The following TMTC2 variants were observed in gnomAD, a reference collection of about 807,000 sequenced individuals.
TMTC2 encodes protein O-mannosyl-transferase TMTC2.
TMTC2 carries 43 observed loss-of-function variants against 82.4 expected under a neutral mutation model. The ratio of observed to expected loss-of-function variants is 0.52; its 90% CI spans 0.41 to 0.67. The LOEUF is 0.67. Ranked by LOEUF, TMTC2 falls within the 30% of genes least tolerant of loss-of-function variation. The pLI is 0.00. For missense variants in TMTC2, 919 were observed against 1,012.4 expected, an observed-to-expected ratio of 0.91 and a Z score of 1.25; for synonymous variants, 408 against 381.9, an observed-to-expected ratio of 1.07 and a Z score of -0.80.
chr12:83,022,166 T>C (rs1880961959), intron 8 of TMTC2, among the ~76,000 whole-genome samples: 1 of 152,078 alleles, frequency 6.6e-6, no homozygotes, highest in Non-Finnish European at 1.5e-5. Context: ...CACTAGGCCC[T>C]GCACAGTCTG....
At chr12:82,900,969 AAT>A (rs1265095001) in intron 3 of TMTC2, among the ~76,000 whole-genome samples, 4 of 40,062 alleles carry the variant, frequency 1.0e-4, no homozygotes, top group East Asian at 7.2e-4. Flanking sequence ...TATATATAGG[AAT>A]ATATATATAT....
chr12:82,899,652 A>AAT (rs974972309), intron 3 of TMTC2, among the ~76,000 whole-genome samples: 4 of 140,486 alleles, frequency 2.8e-5, no homozygotes, highest in Admixed American at 1.5e-4. Context: ...TATATATAAG[A>AAT]ATATATATAT....
chr12:83,005,847 C>T (rs1226423828), intron 8 of TMTC2, among the ~76,000 whole-genome samples: 1 of 152,190 alleles, frequency 6.6e-6, no homozygotes, highest in Non-Finnish European at 1.5e-5. Flanking sequence ...AGATCTGACA[C>T]ACCTTGATAT....
chr12:83,055,718 G>A (rs933869481), intron 10 of TMTC2, among the ~76,000 whole-genome samples: 2 of 151,652 alleles, frequency 1.3e-5, no homozygotes, highest in African/African-American at 4.8e-5. Flanking sequence ...GTGTGTGTGT[G>A]TGTGTGTGTG....
intron 1 of TMTC2, among the ~76,000 whole-genome samples, chr12:82,780,022 GGT>G (rs10570955): frequency 0.21 from 32,425 of 151,878 alleles, 3,845 homozygotes; most frequent in Middle Eastern, 0.36. Flanking sequence ...GTATTTTTTA[GGT>G]ATTTTTTGTA....
At chr12:82,830,131 C>T (rs78757446) in intron 1 of TMTC2, among the ~76,000 whole-genome samples, 5,448 of 152,012 alleles carry the variant, frequency 0.036, 310 homozygotes, top group African/African-American at 0.12. Flanking sequence ...AGCAAGCTTA[C>T]GTTTTTTTTT....
chr12:82,929,134 G>A (rs572031711), intron 3 of TMTC2, among the ~76,000 whole-genome samples: 7 of 152,110 alleles, frequency 4.6e-5, no homozygotes, highest in Admixed American at 1.3e-4. Flanking sequence ...GAGTGCGGTG[G>A]CGTGATCATG....
At chr12:82,825,133 C>T (rs1214986627) in intron 1 of TMTC2, among the ~76,000 whole-genome samples, 1 of 151,374 alleles carries the variant, frequency 6.6e-6, no homozygotes, top group African/African-American at 2.4e-5. Flanking sequence ...GATCAGAAGA[C>T]ACTGTATGTT....
At chr12:82,970,481 G>A (rs1292837711) in intron 7 of TMTC2, among the ~76,000 whole-genome samples, 2 of 148,090 alleles carry the variant, frequency 1.4e-5, no homozygotes, top group African/African-American at 2.6e-5. Context: ...ACAGGCGCCC[G>A]CCACCGCGCC....
intron 1 of TMTC2, among the ~76,000 whole-genome samples, chr12:82,688,805 A>G (rs1426145610): frequency 6.6e-6 from 1 of 152,154 alleles, no homozygotes; most frequent in Admixed American, 6.6e-5. Context: ...GAGAGCACTT[A>G]CGCAAAGTGG....
At chr12:82,869,776 C>G (rs1241358062) in intron 2 of TMTC2, among the ~76,000 whole-genome samples, 1 of 151,594 alleles carries the variant, frequency 6.6e-6, no homozygotes, top group Non-Finnish European at 1.5e-5. Context: ...GAAGTGGAGG[C>G]CGCAGTGAGC....
chr12:82,788,085 C>A (rs1878273897), intron 1 of TMTC2, among the ~76,000 whole-genome samples: 1 of 151,926 alleles, frequency 6.6e-6, no homozygotes, highest in Non-Finnish European at 1.5e-5. Context: ...TTTCCAGTGT[C>A]CCCACATTTA....
intron 9 of TMTC2, among the ~76,000 whole-genome samples, chr12:83,044,288 G>C (rs1479011045): frequency 6.6e-6 from 1 of 152,146 alleles, no homozygotes; most frequent in Non-Finnish European, 1.5e-5. Context: ...ATAAGTAAGA[G>C]AGAAGACCAC....
intron 11 of TMTC2, among the ~76,000 whole-genome samples, chr12:83,089,847 C>CAAAAAAAAAAAAAAAAAAAAAAA (rs200273951): frequency 7.4e-6 from 1 of 135,738 alleles, no homozygotes; most frequent in Non-Finnish European, 1.6e-5. Flanking sequence ...AAACAAAAAA[C>CAAAAAAAAAAAAAAAAAAAAAAA]AAAAAAAAAA....
At chr12:82,810,644 G>C (rs1035105181) in intron 1 of TMTC2, among the ~76,000 whole-genome samples, 8 of 152,014 alleles carry the variant, frequency 5.3e-5, no homozygotes, top group African/African-American at 1.9e-4. Context: ...CACTGAAATG[G>C]TTAAGCTTTG....
chr12:82,725,221 G>T (rs1229244448), intron 1 of TMTC2, among the ~76,000 whole-genome samples: 1 of 151,994 alleles, frequency 6.6e-6, no homozygotes, highest in Non-Finnish European at 1.5e-5. Context: ...AGGGTTAGGG[G>T]ATACTTTTTT....
chr12:82,964,876 C>G, intron 4 of TMTC2, 148 bp from the exon 5 acceptor site: 1 of 491,956 alleles, frequency 2.0e-6, no homozygotes, highest in East Asian at 3.4e-5. Flanking sequence ...GAATCATTTC[C>G]TTATATTTAG....
chr12:83,108,976 G>A (rs772303845), intron 11 of TMTC2, among the ~76,000 whole-genome samples: 24 of 151,992 alleles, frequency 1.6e-4, no homozygotes, highest in Non-Finnish European at 3.1e-4. Context: ...TTCTGTTCAC[G>A]TAAGATCCAT....
intron 2 of TMTC2, among the ~76,000 whole-genome samples, chr12:82,859,839 A>G (rs1469453116): frequency 6.6e-6 from 1 of 152,210 alleles, no homozygotes; most frequent in African/African-American, 2.4e-5. Context: ...TGGCAGCAGC[A>G]AGGGTAGTGG....
Sources: gnomAD v4.1 joint callset for allele counts (sites outside exome capture counted in the v4.1 genomes callset) on GRCh38, gnomAD v4.1.1 for gene constraint, MANE v1.5 for transcripts, NCBI Gene and HGNC (gene_info 2026-07-23, HGNC 2026-07-21) for gene names.